The following SEPTIN6 variants were observed in gnomAD, a reference collection of about 807,000 sequenced individuals.
SEPTIN6 encodes septin-6.
Under a neutral mutation model 33.6 loss-of-function variants are expected in SEPTIN6, and 8 were observed. The ratio of observed to expected loss-of-function variants is 0.24; its 90% CI spans 0.14 to 0.43. SEPTIN6 has a LOEUF of 0.43. Ranked by LOEUF, SEPTIN6 falls within the 20% of genes least tolerant of loss-of-function variation. The probability of loss-of-function intolerance (pLI) is 1.00; values close to 1 mark genes in which losing one functional copy is unlikely to be tolerated. For missense variants in SEPTIN6, 250 were observed against 340.8 expected (o/e 0.73, Z 2.10); for synonymous variants, 131 against 140.0 (o/e 0.94, Z 0.45).
rs1171696728 is a variant in SEPTIN6, at chrX:119,617,515, C to T, written c.*2578G>A. 1.0e-5 allele frequency: 8 copies of T among 802,713 alleles called. No homozygotes were observed. Among genetic ancestry groups the T allele is most frequent in the East Asian group, 7.1e-5 (1 of 14,037 alleles). 66.2% of individuals were successfully genotyped at this position (802,713 alleles called of 1,213,427 possible). On this transcript the variant is annotated 3_prime_UTR_variant, in exon 11 of 11. Transcript: ENST00000394610. The stretch of plus-strand genomic sequence containing the variant: ...GGGTCATTGGGTTAAGGAGCTGGCC[C>T]GGCATGCCTTCGTTTTGCCAGCCCT...
chrX:119,674,395 T>G (rs767004624), intron 2 of SEPTIN6, among the ~76,000 whole-genome samples: 4 of 111,026 alleles, frequency 3.6e-5, no homozygotes, highest in Non-Finnish European at 7.6e-5. Context: ...GCCAGGATGG[T>G]CTCGATCTTC....
At position 119,650,129 on chromosome X, in the gene SEPTIN6, T is replaced by G. The variant is rs755395590; in HGVS notation, c.529-31A>C. On this transcript the variant is annotated intron_variant, in intron 4 of 10. Coordinates refer to ENST00000394610, the MANE Select transcript of SEPTIN6 (RefSeq NM_145799.4). ...GAGAGGAGGGGCAAAGTGGGGTCAT[T>G]GTTGGTAACCTGCAACTGATAGCAG... 12 of 1,195,566 alleles carry G rather than the reference T, an allele frequency of 1.0e-5. No individual in the cohort carries two copies. In the South Asian group the frequency reaches 1.6e-4, roughly 16 times the overall value.
chrX:119,662,279 T>C (rs2054561690), intron 3 of SEPTIN6, among the ~76,000 whole-genome samples: 1 of 112,009 alleles, frequency 8.9e-6, no homozygotes, highest in African/African-American at 3.2e-5. Context: ...ATTCTGTGTG[T>C]TCAACTGCCT....
At chrX:119,686,760 C>T in intron 1 of SEPTIN6, 1 of 300,997 alleles carries the variant, frequency 3.3e-6, no homozygotes. Context: ...TTATTTAAAG[C>T]AATATGGAGA....
In SEPTIN6 at chrX:119,620,411, C is replaced by T. The variant is rs758528225; in HGVS notation, c.*42-360G>A. Reference sequence around the variant, plus strand: ...TCGGCTCGCTGCAAGCTCTGCCTCCCGGGTTCACGCCATTCTCCTGCCTCA... The same window carrying T: ...TCGGCTCGCTGCAAGCTCTGCCTCCTGGGTTCACGCCATTCTCCTGCCTCA... On this transcript the variant is annotated intron_variant, in intron 10 of 10. Coordinates refer to ENST00000394610, the MANE Select transcript of SEPTIN6 (RefSeq NM_145799.4). Among the ~76,000 whole-genome samples the T allele has an allele frequency of 2.9e-3, 310 of 105,886 alleles. 3 individuals carry two copies. Among genetic ancestry groups the T allele is most frequent in the African/African-American group, 0.01 (289 of 28,818 alleles). 91.9% of individuals were successfully genotyped at this position (105,886 alleles called of 115,157 possible). A position where few individuals can be genotyped will look rare whatever the true frequency, so the allele number is the denominator to read the frequency against.
At chrX:119,643,977 G>A (rs189747171) in intron 5 of SEPTIN6, among the ~76,000 whole-genome samples, 2 of 111,543 alleles carry the variant, frequency 1.8e-5, no homozygotes, top group Admixed American at 9.5e-5. Context: ...GAATAGAGTC[G>A]AGCAGAGCAG....
rs373156673 is a variant in SEPTIN6 at position 119,651,116 on chromosome X, G to A, written c.529-1018C>T. ...AACGGGGGGTGGGGGAGGGGCATAG[G>A]TGGCACTCAGGCCCCGGACTCTAAA... On this transcript the variant is annotated intron_variant, in intron 4 of 10. Transcript: ENST00000394610. Among the ~76,000 whole-genome samples, 9 of 111,058 alleles carry A rather than the reference G, an allele frequency of 8.1e-5. No homozygotes were observed. In the East Asian group the frequency reaches 1.4e-3, roughly 18 times the overall value.
At position 119,668,678 on chromosome X, in the gene SEPTIN6, C is replaced by A. The variant is rs544442286; in HGVS notation, c.146-5001G>T. Among the ~76,000 whole-genome samples the A allele has an allele frequency of 7.0e-4, 77 of 110,679 alleles. 1 individual carries two copies. The highest frequency in any genetic ancestry group is 2.4e-3 in the African/African-American group (74 of 30,435). On this transcript the variant is annotated intron_variant, in intron 2 of 10. Transcript: ENST00000394610. Reference sequence around the variant, plus strand: ...ATCTATAAAATGTGGAGGGGCCGGGCGCAGTGGCTCATGCCTGTAATCCCA... The same window carrying A: ...ATCTATAAAATGTGGAGGGGCCGGGAGCAGTGGCTCATGCCTGTAATCCCA...
intron 1 of SEPTIN6, among the ~76,000 whole-genome samples, chrX:119,692,596 C>T (rs1052400929): frequency 8.9e-6 from 1 of 112,609 alleles, no homozygotes; most frequent in Non-Finnish European, 1.9e-5. Flanking sequence ...ACCTCCCCGC[C>T]CCCCTCGCCA....
Position 119,619,375 on chromosome X carries a change from TAG to T in SEPTIN6, c.*716_*717del, listed in dbSNP as rs774018264. 460 of 812,517 alleles carry T rather than the reference TAG, an allele frequency of 5.7e-4. 10 individuals carry two copies. Among genetic ancestry groups the T allele is most frequent in the Non-Finnish European group, 4.8e-4 (327 of 676,108 alleles). 67.0% of individuals were successfully genotyped at this position (812,517 alleles called of 1,213,427 possible). On this transcript the variant is annotated 3_prime_UTR_variant, in exon 11 of 11. Transcript: ENST00000394610. ...TTTGCATCTGTGGGATACCCAGAGT[TAG>T]AGAGAGGGGAAACGTCTGCTATTTT...
At chrX:119,644,565 T>C (rs949516967) in intron 5 of SEPTIN6, among the ~76,000 whole-genome samples, 1 of 111,516 alleles carries the variant, frequency 9.0e-6, no homozygotes, top group African/African-American at 3.3e-5. Context: ...AAAAGGGTCT[T>C]CGGCCAGGTG....
intron 5 of SEPTIN6, among the ~76,000 whole-genome samples, chrX:119,647,481 C>CCCTTTTTTT (rs2054281134): frequency 1.8e-5 from 1 of 54,534 alleles, no homozygotes. Context: ...CTTTCTCTCT[C>CCCTTTTTTT]TCTTTTTTTT....
chrX:119,630,392 T>G (rs770005227), intron 8 of SEPTIN6, among the ~76,000 whole-genome samples: 1 of 111,791 alleles, frequency 8.9e-6, no homozygotes, highest in East Asian at 2.8e-4. Context: ...ACCATGGATC[T>G]CAGAGAAAAC....
intron 1 of SEPTIN6, chrX:119,686,476 C>A: frequency 2.0e-6 from 1 of 495,820 alleles, no homozygotes; most frequent in Admixed American, 3.4e-5. Flanking sequence ...AGTGGAAGGG[C>A]CGGCTGAGAG....
At position 119,618,842 on chromosome X, in the gene SEPTIN6, C is replaced by A; in HGVS notation, c.*1251G>T. The A allele has an allele frequency of 8.3e-7, 1 of 1,205,932 alleles. No individual in the cohort carries two copies. The highest frequency in any genetic ancestry group is 1.1e-6 in the Non-Finnish European group (1 of 892,577). On this transcript the variant is annotated 3_prime_UTR_variant, in exon 11 of 11. Coordinates refer to ENST00000394610, the MANE Select transcript of SEPTIN6 (RefSeq NM_145799.4). ...TAGCCACAGATCATTGCCAGGTCAA[C>A]TCCATCTCTCACACTGTCACTGGCC...
chrX:119,638,217 A>G lies in SEPTIN6; in HGVS notation c.788-1022T>C, dbSNP rs184469131. On this transcript the variant is annotated intron_variant, in intron 6 of 10. Transcript: ENST00000394610. ...GAGGTGGTTTCTTTAGAAGGTAGATAATGGCCTGACAGTAGCAGTGGTGAC... is the reference window on the plus strand; with the variant it reads ...GAGGTGGTTTCTTTAGAAGGTAGATGATGGCCTGACAGTAGCAGTGGTGAC... 1.2e-4 allele frequency among the ~76,000 whole-genome samples: 13 copies of G among 111,497 alleles called. No homozygotes were observed. In the East Asian group the frequency reaches 3.7e-3, roughly 32 times the overall value.
At chrX:119,666,081 CA>C (rs139368086) in intron 2 of SEPTIN6, among the ~76,000 whole-genome samples, 258 of 73,019 alleles carry the variant, frequency 3.5e-3, no homozygotes, top group Non-Finnish European at 4.6e-3. Context: ...GACTCCATCT[CA>C]AAAAAAAAAA....
intron 2 of SEPTIN6, among the ~76,000 whole-genome samples, chrX:119,666,914 C>G (rs2054650513): frequency 9.0e-6 from 1 of 111,293 alleles, no homozygotes; most frequent in African/African-American, 3.3e-5. Context: ...GGGCCAGCAC[C>G]TTGGAGGTGG....
At chrX:119,633,143 ATGTG>A (rs936913633) in intron 8 of SEPTIN6, among the ~76,000 whole-genome samples, 15 of 112,104 alleles carry the variant, frequency 1.3e-4, no homozygotes, top group African/African-American at 4.5e-4. Context: ...CAGTGAACAT[ATGTG>A]TGTGTGTATC....
Sources: gnomAD v4.1 joint callset for allele counts (sites outside exome capture counted in the v4.1 genomes callset) on GRCh38, gnomAD v4.1.1 for gene constraint, MANE v1.5 for transcripts, NCBI Gene and HGNC (gene_info 2026-07-23, HGNC 2026-07-21) for gene names.